The following MAD1L1 variants were observed in gnomAD, a reference collection of about 807,000 sequenced individuals.
MAD1L1 encodes the protein mitotic spindle assembly checkpoint protein MAD1.
In MAD1L1, 95 loss-of-function variants were observed where a neutral mutation model predicts 96.9. That is an observed-to-expected ratio of 0.98 (90% CI 0.83 to 1.16). The LOEUF is 1.16. Among genes scored for constraint, MAD1L1 ranks in the 50% most tolerant of loss-of-function variants. The probability of loss-of-function intolerance (pLI) is 0.00; values close to 1 mark genes in which losing one functional copy is unlikely to be tolerated. For missense variants in MAD1L1, 1,007 were observed against 954.4 expected (o/e 1.06, Z -0.73); for synonymous variants, 473 against 396.6 (o/e 1.19, Z -2.29).
chr7:2,037,207 C>A (rs372874090), intron 12 of MAD1L1, among the ~76,000 whole-genome samples: 1 of 133,142 alleles, frequency 7.5e-6, no homozygotes, highest in Non-Finnish European at 1.7e-5. Context: ...ATAGACTCTT[C>A]TTTTTTTTTT....
chr7:2,060,027 C>A (rs1784567712), intron 12 of MAD1L1, among the ~76,000 whole-genome samples: 1 of 152,152 alleles, frequency 6.6e-6, no homozygotes, highest in South Asian at 2.1e-4. Flanking sequence ...TCATGGTTCA[C>A]AAGATACGCC....
At chr7:2,018,490 T>C (rs1329163410) in intron 12 of MAD1L1, among the ~76,000 whole-genome samples, 4 of 152,136 alleles carry the variant, frequency 2.6e-5, no homozygotes, top group African/African-American at 9.7e-5. Context: ...TCCCGCACGA[T>C]GGGGACAGCC....
At chr7:2,028,587 T>C (rs1035654080) in intron 12 of MAD1L1, among the ~76,000 whole-genome samples, 5 of 152,150 alleles carry the variant, frequency 3.3e-5, no homozygotes, top group Non-Finnish European at 7.3e-5. Context: ...CTGTAAAATC[T>C]ACGTGAAGAG....
intron 16 of MAD1L1, 107 bp downstream of exon 16, chr7:1,957,520 CGA>C (rs1472199809): frequency 9.2e-7 from 1 of 1,085,162 alleles, no homozygotes; most frequent in Non-Finnish European, 1.4e-6. Flanking sequence ...TTCAGACAGA[CGA>C]GCCAGAAAAC....
intron 10 of MAD1L1, among the ~76,000 whole-genome samples, chr7:2,178,787 C>T (rs1291705148): frequency 1.3e-5 from 2 of 151,778 alleles, no homozygotes; most frequent in Non-Finnish European, 2.9e-5. Flanking sequence ...ATCCCAGCTA[C>T]CTGGGAGGCT....
rs1362827222 is a variant in MAD1L1 at position 2,098,282 on chromosome 7, C to T, written c.1074-28944G>A. On this transcript the variant is annotated intron_variant, in intron 11 of 18. Coordinates refer to ENST00000265854, the MANE Select transcript of MAD1L1 (RefSeq NM_001013836.2). ...GCGCCAGTCACACACCAGGCCTCTG[C>T]GCAGAAGGCGCATGGCAAACACCCT... 5.3e-5 allele frequency among the ~76,000 whole-genome samples: 8 copies of T among 152,336 alleles called. No homozygotes were observed. In the East Asian group the frequency reaches 5.8e-4, roughly 11 times the overall value.
At chr7:1,998,269 C>T (rs575715608) in intron 14 of MAD1L1, among the ~76,000 whole-genome samples, 17 of 152,288 alleles carry the variant, frequency 1.1e-4, no homozygotes, top group Middle Eastern at 3.4e-3. Context: ...CTGGAGTGAG[C>T]AGCTCCTCCA....
chr7:2,144,389 G>T (rs1584420843), intron 11 of MAD1L1, among the ~76,000 whole-genome samples: 1 of 152,146 alleles, frequency 6.6e-6, no homozygotes, highest in Non-Finnish European at 1.5e-5. Flanking sequence ...GTCCTGAGAG[G>T]CCCCGCTCCC....
intron 11 of MAD1L1, among the ~76,000 whole-genome samples, chr7:2,100,621 C>T (rs903100242): frequency 1.3e-5 from 2 of 152,270 alleles, no homozygotes; most frequent in African/African-American, 4.8e-5. Flanking sequence ...GGCTGCAAAC[C>T]GGAAGGCGTC....
chr7:1,848,564 G>T (rs73286668), intron 18 of MAD1L1: 12,484 of 152,724 alleles, frequency 0.082, 772 homozygotes, highest in African/African-American at 0.17. Flanking sequence ...ACCAGGAGTA[G>T]AAGACAAGGG....
At chr7:2,038,116 T>C (rs931630026) in intron 12 of MAD1L1, among the ~76,000 whole-genome samples, 1 of 152,170 alleles carries the variant, frequency 6.6e-6, no homozygotes, top group Non-Finnish European at 1.5e-5. Flanking sequence ...GTGGTCTGGA[T>C]AGATCAAACC....
At chr7:2,158,397 A>C (rs1019634810) in intron 10 of MAD1L1, among the ~76,000 whole-genome samples, 2 of 152,214 alleles carry the variant, frequency 1.3e-5, no homozygotes, top group African/African-American at 4.8e-5. Flanking sequence ...ACAGCCATCA[A>C]ACTAATTAGC....
At chr7:1,839,660 C>T (rs1461869914) in intron 18 of MAD1L1, among the ~76,000 whole-genome samples, 1 of 152,168 alleles carries the variant, frequency 6.6e-6, no homozygotes, top group Non-Finnish European at 1.5e-5. Flanking sequence ...GCTTGGGAGG[C>T]AGTGGACCAG....
intron 7 of MAD1L1, among the ~76,000 whole-genome samples, chr7:2,216,970 C>T (rs560041185): frequency 2.6e-5 from 4 of 152,258 alleles, no homozygotes; most frequent in East Asian, 1.9e-4. Flanking sequence ...CAGCCCTCCG[C>T]GTACTGGGAG....
chr7:1,887,707 G>A (rs756106732), intron 18 of MAD1L1, among the ~76,000 whole-genome samples: 3 of 150,188 alleles, frequency 2.0e-5, no homozygotes, highest in Non-Finnish European at 2.9e-5. Flanking sequence ...GCATGCATAG[G>A]CATGTGTGTG....
intron 17 of MAD1L1, among the ~76,000 whole-genome samples, chr7:1,924,481 C>T (rs1446938630): frequency 2.6e-5 from 4 of 152,160 alleles, no homozygotes; most frequent in Admixed American, 6.5e-5. Context: ...GAAACAGTGT[C>T]GATTTTTAAA....
chr7:2,144,769 G>C (rs1789210253), intron 11 of MAD1L1, among the ~76,000 whole-genome samples: 1 of 152,086 alleles, frequency 6.6e-6, no homozygotes, highest in African/African-American at 2.4e-5. Context: ...CACTGATTCT[G>C]AACAGTATGC....
intron 10 of MAD1L1, among the ~76,000 whole-genome samples, chr7:2,178,358 G>C (rs909876970): frequency 1.3e-5 from 2 of 152,090 alleles, no homozygotes; most frequent in African/African-American, 4.8e-5. Flanking sequence ...CCTTACCTGC[G>C]TGTCATCTGA....
At chr7:2,185,246 C>T (rs1021756610) in intron 10 of MAD1L1, among the ~76,000 whole-genome samples, 1 of 151,102 alleles carries the variant, frequency 6.6e-6, no homozygotes, top group African/African-American at 2.4e-5. Flanking sequence ...AAGATGACAG[C>T]AATTTAAGAA....
Sources: gnomAD v4.1 joint callset for allele counts (sites outside exome capture counted in the v4.1 genomes callset) on GRCh38, gnomAD v4.1.1 for gene constraint, MANE v1.5 for transcripts, NCBI Gene and HGNC (gene_info 2026-07-23, HGNC 2026-07-21) for gene names.